TDRD3: variants seen among roughly 807,000 people sequenced by gnomAD.
TDRD3 encodes the protein tudor domain-containing protein 3.
A neutral mutation model predicts 86.7 loss-of-function variants in TDRD3; 45 were observed. The ratio of observed to expected loss-of-function variants is 0.52; its 90% CI spans 0.41 to 0.67. The LOEUF (loss-of-function observed/expected upper bound fraction) is 0.67, where lower values mean the gene tolerates loss of function less well. TDRD3 is among the 30% of genes least tolerant of loss of function. The probability of loss-of-function intolerance (pLI) is 0.00; values close to 1 mark genes in which losing one functional copy is unlikely to be tolerated. For missense variants in TDRD3, 814 were observed against 889.0 expected, an observed-to-expected ratio of 0.92 and a Z score of 1.07; for synonymous variants, 298 against 301.7, an observed-to-expected ratio of 0.99 and a Z score of 0.13.
intron 5 of TDRD3, among the ~76,000 whole-genome samples, chr13:60,475,717 G>C (rs1015358737): frequency 6.6e-5 from 10 of 152,212 alleles, no homozygotes; most frequent in Middle Eastern, 3.4e-3. Flanking sequence ...GTTGTTTTTT[G>C]ACTTTTTAAT....
At chr13:60,445,542 G>A (rs951063733) in intron 3 of TDRD3, among the ~76,000 whole-genome samples, 2 of 152,106 alleles carry the variant, frequency 1.3e-5, no homozygotes, top group Non-Finnish European at 2.9e-5. Context: ...AGACTTCAGT[G>A]TGCACCAGAA....
intron 1 of TDRD3, among the ~76,000 whole-genome samples, chr13:60,424,922 C>T (rs1389951457): frequency 6.6e-6 from 1 of 152,106 alleles, no homozygotes; most frequent in Non-Finnish European, 1.5e-5. Context: ...TTTCATTTAG[C>T]ATAACATTTT....
chr13:60,486,503 T>G lies in TDRD3; in HGVS notation c.717+555T>G, dbSNP rs151280361. On this transcript the variant is annotated intron_variant, in intron 7 of 13. Coordinates refer to ENST00000377881, the MANE Select transcript of TDRD3 (RefSeq NM_001146070.2). ...ATCCTCCTTTTTAACTGACAAATAA[T>G]TACACATATATATGAGGTACATGTG... Among the ~76,000 whole-genome samples the G allele has an allele frequency of 1.2e-3, 184 of 152,302 alleles. 2 individuals are homozygous for G. The East Asian group carries it at 0.021, about 18-fold the overall frequency.
rs138671937 is a variant in TDRD3 at position 60,543,557 on chromosome 13, C to T, written c.2118+8324C>T. ...AGGAAATACTTGGAAACCATCTTAA[C>T]TATTTGTTTTTATCTTTCTAGTTTT... On this transcript the variant is annotated intron_variant, in intron 12 of 13. Coordinates refer to ENST00000377881, the MANE Select transcript of TDRD3 (RefSeq NM_001146070.2). Among the ~76,000 whole-genome samples the T allele has an allele frequency of 3.4e-3, 516 of 152,146 alleles. 4 individuals are homozygous for T. The highest frequency in any genetic ancestry group is 0.012 in the African/African-American group (492 of 41,520).
intron 7 of TDRD3, among the ~76,000 whole-genome samples, chr13:60,490,694 A>T (rs1262353607): frequency 1.3e-5 from 2 of 152,344 alleles, no homozygotes; most frequent in South Asian, 4.1e-4. Context: ...AGGATTTAAA[A>T]AAAAATGATG....
At chr13:60,525,643 G>C (rs182018435) in intron 10 of TDRD3, among the ~76,000 whole-genome samples, 50 of 152,194 alleles carry the variant, frequency 3.3e-4, no homozygotes, top group Middle Eastern at 3.4e-3. Context: ...AATATTTTAA[G>C]TACCAAGTGT....
At chr13:60,417,785 C>T (rs1040970700) in intron 1 of TDRD3, among the ~76,000 whole-genome samples, 3 of 152,158 alleles carry the variant, frequency 2.0e-5, no homozygotes, top group Admixed American at 2.0e-4. Context: ...TTTCACTGTA[C>T]TTCTCTTCCC....
intron 12 of TDRD3, among the ~76,000 whole-genome samples, chr13:60,549,576 G>A (rs1298352014): frequency 3.3e-5 from 5 of 152,004 alleles, no homozygotes; most frequent in South Asian, 2.1e-4. Context: ...TCTAAGACAC[G>A]TGTGTGTGTG....
rs758063597 is a variant in TDRD3, at chr13:60,467,335, G to T, written c.451G>T (p.Gly151Cys). Residue 151 changes from glycine to cysteine, a missense_variant, in exon 5 of 14, where the codon GGT becomes TGT. Physicochemically the swap from Gly to Cys is radical, Grantham distance 159 (BLOSUM62 -3). Transcript: ENST00000377881. ...GAATGACTCTAACACCACAGTTCTT[G>T]GTGGTGAAGTGGAACACCTTATTGA... The part of the protein sequence containing the change: ...LLNDSNTTVL[G>C]GEVEHLIEKW... 2 of 1,613,732 alleles carry T rather than the reference G, an allele frequency of 1.2e-6. No individual in the cohort carries two copies.
intron 1 of TDRD3, among the ~76,000 whole-genome samples, chr13:60,418,865 A>G (rs1954586759): frequency 6.6e-6 from 1 of 152,148 alleles, no homozygotes; most frequent in African/African-American, 2.4e-5. Context: ...TGCTTTTGAG[A>G]TTCATTCATA....
At position 60,397,401 on chromosome 13, in the gene TDRD3, G is replaced by A; in HGVS notation, c.37G>A (p.Gly13Ser). 1 of 1,500,838 alleles carries A rather than the reference G, an allele frequency of 6.7e-7. No homozygotes were observed. The highest frequency in any genetic ancestry group is 8.9e-7 in the Non-Finnish European group (1 of 1,126,858). The allele number at this position is 1,500,838 out of a possible 1,614,324, so 93.0% of individuals were successfully genotyped here. ...QVAGAALSQAGWYLSDEGIEA... is the reference protein window; with the variant it reads ...QVAGAALSQASWYLSDEGIEA... ...GGCCGGCGCGGCGTTGTCCCAGGCGGGTTGGTAAGTGGCGAGTCCCGCCGG... is the reference window on the plus strand; with the variant it reads ...GGCCGGCGCGGCGTTGTCCCAGGCGAGTTGGTAAGTGGCGAGTCCCGCCGG... The change falls in exon 1 of 14, where the codon GGT becomes AGT. Residue 13 changes from glycine to serine, a missense_variant. By Grantham distance (56) the Gly-to-Ser change is moderately conservative. Coordinates refer to ENST00000377881, the MANE Select transcript of TDRD3 (RefSeq NM_001146070.2).
At chr13:60,441,710 T>G (rs2137968345) in intron 2 of TDRD3, among the ~76,000 whole-genome samples, 1 of 152,314 alleles carries the variant, frequency 6.6e-6, no homozygotes, top group East Asian at 1.9e-4. Context: ...TAGCTAATTA[T>G]ATATTGGGAG....
chr13:60,441,341 T>A (rs1955266686), intron 2 of TDRD3, among the ~76,000 whole-genome samples: 1 of 152,164 alleles, frequency 6.6e-6, no homozygotes, highest in African/African-American at 2.4e-5. Flanking sequence ...TATGAAAATT[T>A]GAATAAAATA....
At chr13:60,566,263 CT>C (rs917757095) in intron 12 of TDRD3, among the ~76,000 whole-genome samples, 2,443 of 143,130 alleles carry the variant, frequency 0.017, 41 homozygotes, top group African/African-American at 0.05. Context: ...AATAATAGTT[CT>C]TTTTTTTTTT....
At chr13:60,509,624 C>T in intron 8 of TDRD3, 139 bp from the exon 9 acceptor site, 1 of 1,074,858 alleles carries the variant, frequency 9.3e-7, no homozygotes, top group Non-Finnish European at 1.3e-6. Flanking sequence ...AAAAAATCAG[C>T]AAGAGAATGT....
At chr13:60,397,101 C>T (rs1309887083), upstream of TDRD3, 3 of 360,446 alleles carry the variant, frequency 8.3e-6, no homozygotes, top group African/African-American at 2.1e-5. Context: ...CAGCCACCAG[C>T]CGGTGTTTGG....
chr13:60,553,051 A>G (rs893761555), intron 12 of TDRD3, among the ~76,000 whole-genome samples: 2 of 152,168 alleles, frequency 1.3e-5, no homozygotes, highest in Non-Finnish European at 2.9e-5. Flanking sequence ...GGCTGTTAAC[A>G]AGTTACTTAT....
chr13:60,477,215 GTTA>G lies in TDRD3; in HGVS notation c.496-6544_496-6542del, dbSNP rs111532124. Among the ~76,000 whole-genome samples the G allele has an allele frequency of 5.5e-3, 664 of 121,016 alleles. 6 individuals carry two copies. The highest frequency in any genetic ancestry group is 0.017 in the African/African-American group (542 of 32,376). 79.4% of individuals were successfully genotyped at this position (121,016 alleles called of 152,430 possible). A position where few individuals can be genotyped will look rare whatever the true frequency, so the allele number is the denominator to read the frequency against. ...ATAGATGGTTATTATTATTATTATT[GTTA>G]TTATTATTATTATTAAGACAGAATC... On this transcript the variant is annotated intron_variant, in intron 5 of 13. Coordinates refer to ENST00000377881, the MANE Select transcript of TDRD3 (RefSeq NM_001146070.2).
At chr13:60,405,830 G>T (rs187305715) in intron 1 of TDRD3, among the ~76,000 whole-genome samples, 1 of 152,344 alleles carries the variant, frequency 6.6e-6, no homozygotes, top group Admixed American at 6.5e-5. Context: ...TCCTTGGACT[G>T]AAGAAAATGG....
Sources: gnomAD v4.1 joint callset for allele counts (sites outside exome capture counted in the v4.1 genomes callset) on GRCh38, gnomAD v4.1.1 for gene constraint, MANE v1.5 for transcripts, NCBI Gene and HGNC (gene_info 2026-07-23, HGNC 2026-07-21) for gene names.